ROBO2: variants seen among roughly 807,000 people sequenced by gnomAD.
ROBO2 encodes roundabout homolog 2.
In ROBO2, 53 loss-of-function variants were observed where a neutral mutation model predicts 160.8. The observed-to-expected ratio is 0.33, with a 90% CI of 0.26 to 0.41. The LOEUF (loss-of-function observed/expected upper bound fraction) is 0.41, where lower values mean the gene tolerates loss of function less well. ROBO2 is among the 10% of genes least tolerant of loss of function. The pLI is 1.00. For synonymous variants in ROBO2, 664 were observed against 611.7 expected, an observed-to-expected ratio of 1.09 and a Z score of -1.26; for missense variants, 1,577 against 1,722.4, an observed-to-expected ratio of 0.92 and a Z score of 1.49.
chr3:77,592,150 T>C (rs2094195471), intron 17 of ROBO2, among the ~76,000 whole-genome samples: 2 of 152,142 alleles, frequency 1.3e-5, no homozygotes, highest in Admixed American at 1.3e-4. Flanking sequence ...GATAAGGGTT[T>C]TTAAAAAAAT....
At chr3:77,604,434 G>A (rs2094488686) in intron 20 of ROBO2, among the ~76,000 whole-genome samples, 1 of 151,988 alleles carries the variant, frequency 6.6e-6, no homozygotes, top group Admixed American at 6.6e-5. Context: ...CTTTCTTTAA[G>A]TATTCTATAT....
chr3:77,392,613 C>T (rs2074855804), intron 2 of ROBO2, among the ~76,000 whole-genome samples: 1 of 152,054 alleles, frequency 6.6e-6, no homozygotes, highest in Non-Finnish European at 1.5e-5. Context: ...AATCACTTGC[C>T]AGTCTGCATT....
chr3:75,993,140 G>A (rs1315572050), intron 2 of ROBO2, among the ~76,000 whole-genome samples: 1 of 152,114 alleles, frequency 6.6e-6, no homozygotes, highest in Non-Finnish European at 1.5e-5. Context: ...AGGCATGATG[G>A]GTTTTGAAAT....
intron 2 of ROBO2, among the ~76,000 whole-genome samples, chr3:76,411,604 T>C (rs2075488990): frequency 6.6e-6 from 1 of 152,166 alleles, no homozygotes. Flanking sequence ...ACATTTTTTT[T>C]CCACCACACC....
chr3:76,701,218 A>G (rs1425319816), intron 2 of ROBO2, among the ~76,000 whole-genome samples: 1 of 152,156 alleles, frequency 6.6e-6, no homozygotes, highest in African/African-American at 2.4e-5. Flanking sequence ...TTTGTTGAAT[A>G]GATGAAGGAA....
At chr3:76,997,545 T>G (rs905966456) in intron 2 of ROBO2, among the ~76,000 whole-genome samples, 1 of 152,176 alleles carries the variant, frequency 6.6e-6, no homozygotes, top group African/African-American at 2.4e-5. Flanking sequence ...CTGAAATGGT[T>G]TTCAAAGATT....
chr3:76,288,676 T>C (rs1288357400), intron 2 of ROBO2, among the ~76,000 whole-genome samples: 2 of 152,132 alleles, frequency 1.3e-5, no homozygotes, highest in African/African-American at 2.4e-5. Context: ...GTGTCTATTG[T>C]TCCCGTGTTT....
chr3:77,346,841 T>C (rs1208784404), intron 2 of ROBO2, among the ~76,000 whole-genome samples: 1 of 152,168 alleles, frequency 6.6e-6, no homozygotes, highest in Non-Finnish European at 1.5e-5. Context: ...GAATCTCTCT[T>C]AATCCCTTTC....
intron 2 of ROBO2, among the ~76,000 whole-genome samples, chr3:76,602,226 T>A (rs2087208078): frequency 6.6e-6 from 1 of 152,174 alleles, no homozygotes; most frequent in Non-Finnish European, 1.5e-5. Context: ...TTCTGAGACC[T>A]CCAAGTATCT....
intron 2 of ROBO2, among the ~76,000 whole-genome samples, chr3:76,756,365 G>A (rs267113): frequency 0.84 from 126,914 of 151,814 alleles, 53,143 homozygotes; most frequent in Admixed American, 0.86. Context: ...AGTTTGGTCC[G>A]TTTTTGAATT....
intron 2 of ROBO2, among the ~76,000 whole-genome samples, chr3:76,961,257 A>AC (rs2079634929): frequency 6.6e-6 from 1 of 151,766 alleles, no homozygotes; most frequent in African/African-American, 2.4e-5. Context: ...GAAAAAAAAA[A>AC]AAAAAAAAAA....
intron 2 of ROBO2, among the ~76,000 whole-genome samples, chr3:76,099,886 T>C (rs912106853): frequency 5.3e-5 from 8 of 152,158 alleles, no homozygotes; most frequent in African/African-American, 1.9e-4. Context: ...TTGCCATGGA[T>C]TCTCCACTTG....
intron 2 of ROBO2, among the ~76,000 whole-genome samples, chr3:76,269,469 TC>T (rs1314555619): frequency 6.6e-6 from 1 of 151,728 alleles, no homozygotes; most frequent in Non-Finnish European, 1.5e-5. Flanking sequence ...TAAACCAAAA[TC>T]CCCCACTAGA....
At chr3:77,249,620 C>T (rs1361078167) in intron 2 of ROBO2, among the ~76,000 whole-genome samples, 3 of 78,934 alleles carry the variant, frequency 3.8e-5, no homozygotes, top group African/African-American at 1.1e-4. Flanking sequence ...TTAGAAGTTA[C>T]AACTTTTTTT....
intron 2 of ROBO2, among the ~76,000 whole-genome samples, chr3:76,185,936 A>ATTTTT (rs11369944): frequency 0.073 from 10,437 of 143,640 alleles, 561 homozygotes; most frequent in Non-Finnish European, 0.1. Flanking sequence ...GGAAACACAG[A>ATTTTT]TTTTTTTTTT....
intron 2 of ROBO2, among the ~76,000 whole-genome samples, chr3:76,899,605 A>G (rs893954285): frequency 6.6e-5 from 10 of 152,280 alleles, no homozygotes; most frequent in Admixed American, 5.2e-4. Flanking sequence ...CTTGTCGTCT[A>G]TTTAACAAAG....
chr3:77,538,891 CTAATTT>C (rs1408718383), intron 6 of ROBO2: 1 of 489,338 alleles, frequency 2.0e-6, no homozygotes, highest in East Asian at 5.7e-5. Flanking sequence ...AGCCTATTAA[CTAATTT>C]TTGCAGAAAC....
intron 2 of ROBO2, among the ~76,000 whole-genome samples, chr3:76,345,639 T>G (rs184789794): frequency 1.3e-5 from 2 of 151,972 alleles, no homozygotes; most frequent in African/African-American, 2.4e-5. Flanking sequence ...GCCTTCCTAG[T>G]TTTGTAGGAG....
chr3:76,584,968 G>T lies in ROBO2; in HGVS notation c.110-513046G>T, dbSNP rs375812606. Among the ~76,000 whole-genome samples, 42 of 152,272 alleles carry T rather than the reference G, an allele frequency of 2.8e-4. 2 individuals are homozygous for T. Among genetic ancestry groups the T allele is most frequent in the South Asian group, 2.7e-3 (13 of 4,832 alleles). On this transcript the variant is annotated intron_variant, in intron 2 of 26. Coordinates refer to the ROBO2 transcript ENST00000487694. ...AATAAAAATACTTCATCATAAGGCC[G>T]TTTTCTCATTCAACAGCAGTTCATT...
Sources: allele counts gnomAD v4.1 joint callset (sites outside exome capture counted in the v4.1 genomes callset), GRCh38; gene constraint gnomAD v4.1.1; transcripts MANE v1.5; gene names NCBI Gene and HGNC (gene_info 2026-07-23, HGNC 2026-07-21).